Variants in MDGA2 observed in about 807,000 individuals in gnomAD.
MDGA2 encodes MAM domain containing glycosylphosphatidylinositol anchor 2, also known as MAM domain-containing glycosylphosphatidylinositol anchor protein 2.
A neutral mutation model predicts 117.8 loss-of-function variants in MDGA2; 40 were observed. That is an observed-to-expected ratio of 0.34 (90% CI 0.26 to 0.44). MDGA2 has a LOEUF of 0.44. Among genes scored for constraint, MDGA2 ranks in the 20% least tolerant of loss-of-function variants. The probability of loss-of-function intolerance (pLI) is 1.00; values close to 1 mark genes in which losing one functional copy is unlikely to be tolerated. For synonymous variants in MDGA2, 452 were observed against 439.0 expected (o/e 1.03, Z -0.37); for missense variants, 1,123 against 1,250.6 (o/e 0.90, Z 1.54).
intron 1 of MDGA2, among the ~76,000 whole-genome samples, chr14:47,415,716 C>T (rs2138495729): frequency 6.6e-6 from 1 of 152,086 alleles, no homozygotes; most frequent in South Asian, 2.1e-4. Context: ...TAAAGAACAA[C>T]AATTTATTTC....
rs11375173 is a variant in MDGA2 at position 47,602,466 on chromosome 14, T to TAA, written c.280+72049_280+72050dup. On this transcript the variant is annotated intron_variant, in intron 1 of 16. Transcript: ENST00000399232. Reference sequence around the variant, plus strand: ...TTACAGAGCTCTGAAGCTCTTTATTTAAAAAAAAAAATCACAATTTTTCTA... The same window carrying TAA: ...TTACAGAGCTCTGAAGCTCTTTATTTAAAAAAAAAAAAATCACAATTTTTCTA... 7.2e-3 allele frequency among the ~76,000 whole-genome samples: 1,072 copies of TAA among 149,270 alleles called. 7 individuals are homozygous for TAA. Among genetic ancestry groups the TAA allele is most frequent in the Non-Finnish European group, 0.012 (786 of 67,124 alleles).
At chr14:47,310,681 T>C (rs970754860) in intron 1 of MDGA2, among the ~76,000 whole-genome samples, 3 of 152,040 alleles carry the variant, frequency 2.0e-5, no homozygotes, top group East Asian at 3.9e-4. Context: ...AATTAGATAT[T>C]TACCAAATCA....
intron 3 of MDGA2, among the ~76,000 whole-genome samples, chr14:47,179,780 A>C (rs1025880442): frequency 3.3e-5 from 5 of 152,116 alleles, no homozygotes; most frequent in African/African-American, 1.2e-4. Flanking sequence ...CTTCTCACCA[A>C]AATATTCTAT....
chr14:47,092,675 G>A (rs1879726251), intron 6 of MDGA2, among the ~76,000 whole-genome samples: 1 of 152,052 alleles, frequency 6.6e-6, no homozygotes, highest in Admixed American at 6.6e-5. Flanking sequence ...ACTAAAACCT[G>A]TGTGGCAAGA....
intron 2 of MDGA2, among the ~76,000 whole-genome samples, chr14:47,286,815 ATATATATATACATATATATATG>A (rs1448997706): frequency 1.7e-5 from 2 of 117,820 alleles, no homozygotes; most frequent in East Asian, 2.4e-4. Context: ...ATATATATAT[ATATATATATACATATATATATG>A]TATATATATA....
intron 1 of MDGA2, among the ~76,000 whole-genome samples, chr14:47,471,694 C>CAAATGGTA (rs1323066300): frequency 1.3e-5 from 2 of 152,002 alleles, no homozygotes; most frequent in African/African-American, 4.8e-5. Flanking sequence ...TTGCCTCAAT[C>CAAATGGTA]CTCTTAGTGG....
At chr14:47,041,030 G>A (rs1311655666) in intron 7 of MDGA2, among the ~76,000 whole-genome samples, 1 of 152,126 alleles carries the variant, frequency 6.6e-6, no homozygotes, top group Admixed American at 6.6e-5. Context: ...TAATCAATAT[G>A]AATCATGTAT....
intron 3 of MDGA2, among the ~76,000 whole-genome samples, chr14:47,158,407 C>T (rs918378523): frequency 1.3e-4 from 19 of 147,736 alleles, no homozygotes; most frequent in South Asian, 2.1e-4. Context: ...TGTTCATGTA[C>T]GCATATAATG....
intron 1 of MDGA2, among the ~76,000 whole-genome samples, chr14:47,338,677 C>T (rs963575773): frequency 6.6e-6 from 1 of 151,950 alleles, no homozygotes. Context: ...TCATGGACAC[C>T]TCAACATTCT....
intron 1 of MDGA2, among the ~76,000 whole-genome samples, chr14:47,621,095 C>G (rs1383409342): frequency 6.6e-6 from 1 of 152,140 alleles, no homozygotes; most frequent in Non-Finnish European, 1.5e-5. Context: ...GATCTTTATG[C>G]CTGAATACAT....
At chr14:47,655,997 T>A (rs957042092) in intron 1 of MDGA2, among the ~76,000 whole-genome samples, 9 of 152,312 alleles carry the variant, frequency 5.9e-5, no homozygotes, top group Admixed American at 5.2e-4. Flanking sequence ...ACTGAAGGTT[T>A]TTCAGCAAGC....
chr14:47,021,923 T>G (rs950917615), intron 8 of MDGA2, among the ~76,000 whole-genome samples: 8 of 152,164 alleles, frequency 5.3e-5, no homozygotes, highest in Admixed American at 3.3e-4. Flanking sequence ...GTATTTATAG[T>G]TATGGTTAAA....
At chr14:47,582,620 A>C (rs1395344984) in intron 1 of MDGA2, among the ~76,000 whole-genome samples, 2 of 151,874 alleles carry the variant, frequency 1.3e-5, no homozygotes, top group African/African-American at 4.8e-5. Flanking sequence ...TATGGCTTCT[A>C]CTTCTAAATC....
chr14:47,095,976 T>C (rs1168734705), intron 6 of MDGA2, among the ~76,000 whole-genome samples: 7 of 151,978 alleles, frequency 4.6e-5, no homozygotes, highest in Non-Finnish European at 7.4e-5. Flanking sequence ...CCCAGGACCA[T>C]ACCAGGTGAA....
intron 1 of MDGA2, among the ~76,000 whole-genome samples, chr14:47,459,584 T>C (rs1893440271): frequency 6.6e-6 from 1 of 151,572 alleles, no homozygotes; most frequent in Non-Finnish European, 1.5e-5. Context: ...TTCTTTCCTG[T>C]TTTATTTCTT....
chr14:47,029,691 A>C (rs1888593390), intron 8 of MDGA2, among the ~76,000 whole-genome samples: 1 of 152,200 alleles, frequency 6.6e-6, no homozygotes, highest in African/African-American at 2.4e-5. Context: ...CTTATATTAC[A>C]AATAAAATGT....
intron 9 of MDGA2, among the ~76,000 whole-genome samples, chr14:46,931,214 C>CA (rs34493526): frequency 0.041 from 3,150 of 75,944 alleles, 159 homozygotes; most frequent in African/African-American, 0.13. Flanking sequence ...GACTACATCT[C>CA]AAAAAAAAAA....
At chr14:47,437,301 G>C (rs779855940) in intron 1 of MDGA2, among the ~76,000 whole-genome samples, 1 of 152,022 alleles carries the variant, frequency 6.6e-6, no homozygotes, top group Non-Finnish European at 1.5e-5. Context: ...AGATGATAAG[G>C]CTCCCTACTA....
chr14:47,251,454 T>C (rs8020638), intron 2 of MDGA2, among the ~76,000 whole-genome samples: 34,241 of 150,120 alleles, frequency 0.23, 4,765 homozygotes, highest in East Asian at 0.45. Flanking sequence ...TGTAAGCACT[T>C]TATTATATTT....
Sources: allele counts gnomAD v4.1 joint callset (sites outside exome capture counted in the v4.1 genomes callset), GRCh38; gene constraint gnomAD v4.1.1; transcripts MANE v1.5; gene names NCBI Gene and HGNC (gene_info 2026-07-23, HGNC 2026-07-21).